Variants in HP1BP3 observed in about 807,000 individuals in gnomAD.
HP1BP3 encodes the protein heterochromatin protein 1 binding protein 3.
A neutral mutation model predicts 62.5 loss-of-function variants in HP1BP3; 12 were observed. The observed-to-expected ratio is 0.19, with a 90% confidence interval of 0.12 to 0.31. HP1BP3 has a LOEUF of 0.31. Among genes scored for constraint, HP1BP3 ranks in the 10% least tolerant of loss-of-function variants. HP1BP3 has a pLI of 1.00. For missense variants in HP1BP3, 502 were observed against 651.8 expected, an observed-to-expected ratio of 0.77 and a Z score of 2.50; for synonymous variants, 260 against 237.8, an observed-to-expected ratio of 1.09 and a Z score of -0.86.
At position 20,743,092 on chromosome 1, in the gene HP1BP3, T is replaced by TA. The variant is rs1318203622; in HGVS notation, c.*1704dup. On this transcript the variant is annotated 3_prime_UTR_variant, in exon 13 of 13. Transcript: ENST00000438032. ...CAAATACAAATAAGAAAGGGTTAGG[T>TA]AGTTGGGCTTCATTTACTTTTTTCC... The TA allele has an allele frequency of 5.9e-5, 9 of 152,438 alleles. No homozygotes were observed. Among genetic ancestry groups the TA allele is most frequent in the Admixed American group, 3.3e-4 (5 of 15,286 alleles). The allele number at this position is 152,438 out of a possible 1,614,324, so 9.4% of individuals were successfully genotyped here.
intron 9 of HP1BP3, among the ~76,000 whole-genome samples, chr1:20,754,399 T>C (rs1027288629): frequency 5.9e-5 from 9 of 151,802 alleles, no homozygotes; most frequent in African/African-American, 2.2e-4. Flanking sequence ...TCAACGTTGT[T>C]GACAGTGAGT....
intron 6 of HP1BP3, among the ~76,000 whole-genome samples, chr1:20,770,301 G>T (rs1250208174): frequency 6.6e-6 from 1 of 152,132 alleles, no homozygotes; most frequent in Non-Finnish European, 1.5e-5. Context: ...ACAAACCTAA[G>T]ACAAGGGCAA....
intron 1 of HP1BP3, chr1:20,786,809 T>G (rs912989853): frequency 1.3e-5 from 2 of 152,258 alleles, no homozygotes; most frequent in African/African-American, 4.8e-5. Context: ...GCGGCGGGCC[T>G]CGGAGCATGC....
chr1:20,785,360 A>C (rs2057774076), intron 1 of HP1BP3, among the ~76,000 whole-genome samples: 1 of 152,256 alleles, frequency 6.6e-6, no homozygotes, highest in Non-Finnish European at 1.5e-5. Flanking sequence ...GATATCCTTG[A>C]TAATATGCAT....
At chr1:20,776,024 AAAAATT>A (rs2057291170) in intron 4 of HP1BP3, 2 of 1,490,458 alleles carry the variant, frequency 1.3e-6, no homozygotes, top group South Asian at 1.3e-5. Flanking sequence ...AAAAAAAAAA[AAAAATT>A]AAAAATTAAA....
intron 10 of HP1BP3, among the ~76,000 whole-genome samples, chr1:20,749,361 C>CTTTTTTTTTTTTTTTTTTTTTTTTT (rs11377726): frequency 7.2e-6 from 1 of 138,894 alleles, no homozygotes; most frequent in Non-Finnish European, 1.6e-5. Flanking sequence ...CTTTTCTTTT[C>CTTTTTTTTTTTTTTTTTTTTTTTTT]TTTTCTTTTT....
At chr1:20,746,823 T>G (rs572177636) in intron 11 of HP1BP3, among the ~76,000 whole-genome samples, 1 of 152,268 alleles carries the variant, frequency 6.6e-6, no homozygotes, top group South Asian at 2.1e-4. Flanking sequence ...AAGGCCAGCC[T>G]AGATAATATG....
intron 1 of HP1BP3, among the ~76,000 whole-genome samples, chr1:20,782,455 C>A (rs916771881): frequency 1.3e-5 from 2 of 151,686 alleles, no homozygotes; most frequent in Admixed American, 1.3e-4. Flanking sequence ...TGGTGGCATG[C>A]GCCTGTAGTC....
At chr1:20,754,429 G>A (rs529265772) in intron 9 of HP1BP3, among the ~76,000 whole-genome samples, 1 of 151,170 alleles carries the variant, frequency 6.6e-6, no homozygotes, top group African/African-American at 2.4e-5. Context: ...TTGATCTATA[G>A]GTTCAAGGCA....
chr1:20,777,301 T>TA (rs914982448), intron 3 of HP1BP3, among the ~76,000 whole-genome samples: 12 of 150,754 alleles, frequency 8.0e-5, no homozygotes, highest in African/African-American at 2.9e-4. Context: ...ATAAAAAAAA[T>TA]AAAAAAAACA....
Position 20,757,047 on chromosome 1 carries a change from TA to T in HP1BP3, c.981+118del, listed in dbSNP as rs535846920. 1.5e-3 allele frequency: 883 copies of T among 597,368 alleles called. 3 individuals are homozygous for T. Among genetic ancestry groups the T allele is most frequent in the African/African-American group, 0.013 (691 of 53,494 alleles). 37.0% of individuals were successfully genotyped at this position (597,368 alleles called of 1,614,324 possible). A position where few individuals can be genotyped will look rare whatever the true frequency, so the allele number is the denominator to read the frequency against. ...TTCTAACATAGTAAATGTTGACAGA[TA>T]TAACCCACATAAACAAAAGTTCTTT... On this transcript the variant is annotated intron_variant, in intron 9 of 12. Coordinates refer to ENST00000438032, the MANE Select transcript of HP1BP3 (RefSeq NM_001372052.1).
Position 20,785,814 on chromosome 1 carries a change from A to G in HP1BP3, c.-101+1381T>C, listed in dbSNP as rs1214677354. Among the ~76,000 whole-genome samples the G allele has an allele frequency of 3.9e-5, 6 of 152,358 alleles. No homozygotes were observed. In the East Asian group the frequency reaches 1.2e-3, roughly 29 times the overall value. On this transcript the variant is annotated intron_variant, in intron 1 of 12. Transcript: ENST00000438032. ...TTACTTCTATTTTGAAACAAATTAC[A>G]CTAAACTTTTGAGAAGAGCAATGAA...
At chr1:20,750,080 G>T in intron 9 of HP1BP3, 198 bp from the exon 10 acceptor site, 1 of 1,080,458 alleles carries the variant, frequency 9.3e-7, no homozygotes, top group Non-Finnish European at 1.2e-6. Flanking sequence ...CCCTCCTATG[G>T]ATATTTTCTC....
intron 5 of HP1BP3, 27 bp downstream of exon 5, chr1:20,773,424 G>A (rs760355992): frequency 1.3e-6 from 2 of 1,574,296 alleles, no homozygotes; most frequent in Admixed American, 1.8e-5. Context: ...ATAAATCTAA[G>A]ATGAATTGCT....
At chr1:20,747,968 T>G (rs981304526) in intron 10 of HP1BP3, among the ~76,000 whole-genome samples, 3 of 152,130 alleles carry the variant, frequency 2.0e-5, no homozygotes, top group Admixed American at 6.6e-5. Context: ...ACTCCCACCT[T>G]GGCTTCCCAG....
chr1:20,753,011 G>C (rs1261218671), intron 9 of HP1BP3, among the ~76,000 whole-genome samples: 1 of 151,700 alleles, frequency 6.6e-6, no homozygotes, highest in Non-Finnish European at 1.5e-5. Flanking sequence ...GCGTGATCTT[G>C]GCTTACTGCA....
intron 8 of HP1BP3, among the ~76,000 whole-genome samples, chr1:20,761,599 G>T (rs1307445063): frequency 6.6e-6 from 1 of 152,110 alleles, no homozygotes; most frequent in Non-Finnish European, 1.5e-5. Flanking sequence ...ACAGGCATCC[G>T]TATACACGAA....
At chr1:20,758,823 A>T (rs1465778034) in intron 8 of HP1BP3, among the ~76,000 whole-genome samples, 2 of 142,964 alleles carry the variant, frequency 1.4e-5, no homozygotes, top group Non-Finnish European at 3.1e-5. Context: ...AATTTTTGTT[A>T]TTTTTTTTTT....
Position 20,765,404 on chromosome 1 carries a change from T to A in HP1BP3, c.863A>T (p.Tyr288Phe). ...GATGTCCACTCTAAGCTTAGGATAA[T>A]ACTGAGACACATATTTCCTGATGAG... is the stretch of plus-strand genomic sequence containing the variant. ...YSLIRKYVSQ[Y>F]YPKLRVDIRP... Residue 288 changes from tyrosine to phenylalanine, a missense_variant, in exon 8 of 13, where the codon TAT (tyrosine) becomes TTT (phenylalanine). By Grantham distance (22) the Tyr-to-Phe change is conservative (BLOSUM62 3). Coordinates refer to ENST00000438032, the MANE Select transcript of HP1BP3 (RefSeq NM_001372052.1). 1 of 1,612,956 alleles carries A rather than the reference T, an allele frequency of 6.2e-7. No individual in the cohort carries two copies. The highest frequency in any genetic ancestry group is 8.5e-7 in the Non-Finnish European group (1 of 1,179,402).
Sources: allele counts gnomAD v4.1 joint callset (sites outside exome capture counted in the v4.1 genomes callset), GRCh38; gene constraint gnomAD v4.1.1; transcripts MANE v1.5; gene names NCBI Gene and HGNC (gene_info 2026-07-23, HGNC 2026-07-21).